Variants in ILRUN observed in about 807,000 individuals in gnomAD.
ILRUN encodes inflammation and lipid regulator with UBA-like and NBR1-like domains.
ILRUN carries 3 observed loss-of-function variants against 33.8 expected under a neutral mutation model. That is an observed-to-expected ratio of 0.09 (90% confidence interval 0.04 to 0.23). The LOEUF is 0.23. ILRUN is among the 10% of genes least tolerant of loss of function. ILRUN has a pLI of 1.00. For synonymous variants in ILRUN, 124 were observed against 138.9 expected (o/e 0.89, Z 0.75); for missense variants, 210 against 375.1 (o/e 0.56, Z 3.64).
chr6:34,633,882 AGG>A (rs1301859315), intron 3 of ILRUN, among the ~76,000 whole-genome samples: 3 of 16,632 alleles, frequency 1.8e-4, no homozygotes, highest in South Asian at 7.2e-3. Context: ...GGAGGGAGAG[AGG>A]GAGGGAGGGA....
intron 1 of ILRUN, among the ~76,000 whole-genome samples, chr6:34,656,636 CAT>C (rs1393288780): frequency 2.0e-5 from 3 of 152,318 alleles, no homozygotes; most frequent in African/African-American, 7.2e-5. Context: ...TATACATAAA[CAT>C]AGCATGAAAC....
At chr6:34,665,192 C>T (rs1176798282) in intron 1 of ILRUN, among the ~76,000 whole-genome samples, 2 of 149,844 alleles carry the variant, frequency 1.3e-5, no homozygotes, top group Non-Finnish European at 3.0e-5. Flanking sequence ...TGGTAGCTCA[C>T]CGCCTATAAT....
intron 4 of ILRUN, among the ~76,000 whole-genome samples, chr6:34,600,945 G>C (rs1054503187): frequency 6.6e-6 from 1 of 152,100 alleles, no homozygotes; most frequent in African/African-American, 2.4e-5. Flanking sequence ...TTGGTATCCT[G>C]GTCTTATCAC....
At chr6:34,623,067 C>A (rs1443784562) in intron 3 of ILRUN, among the ~76,000 whole-genome samples, 1 of 152,058 alleles carries the variant, frequency 6.6e-6, no homozygotes, top group African/African-American at 2.4e-5. Context: ...AGTAGAATGG[C>A]GGTTTCCAAT....
At chr6:34,678,945 A>AAATACAAC (rs1037999424) in intron 1 of ILRUN, among the ~76,000 whole-genome samples, 6 of 151,944 alleles carry the variant, frequency 3.9e-5, no homozygotes, top group African/African-American at 1.4e-4. Context: ...TTCATAAGAT[A>AAATACAAC]AATACAACAG....
intron 1 of ILRUN, chr6:34,685,374 G>A (rs1267538358): frequency 1.3e-5 from 2 of 151,776 alleles, no homozygotes; most frequent in African/African-American, 4.8e-5. Flanking sequence ...GTCTTGCTAT[G>A]GAGTGCAGTG....
At position 34,606,840 on chromosome 6, in the gene ILRUN, T is replaced by C; in HGVS notation, c.576A>G (p.Ser192=). The part of the protein sequence containing the change: ...GGLLGVTQQL[S]SFETEFNTQP... ...GTGTGTTGAACTCCGTTTCAAAAGA[T>C]GACAGCTGCTGCGTTACTCCTAAAA... The change falls in exon 4 of 5, where the codon TCA becomes TCG. Residue 192 remains serine (S), a synonymous_variant. Transcript: ENST00000374023. 6.2e-7 allele frequency: 1 copy of C among 1,614,142 alleles called. No individual in the cohort carries two copies. Among genetic ancestry groups the C allele is most frequent in the East Asian group, 2.2e-5 (1 of 44,884 alleles).
At chr6:34,670,917 AT>A (rs1227799582) in intron 1 of ILRUN, among the ~76,000 whole-genome samples, 1 of 152,002 alleles carries the variant, frequency 6.6e-6, no homozygotes, top group East Asian at 1.9e-4. Context: ...AGTGCTTCTA[AT>A]TGCAGATTAC....
rs1367064453 is a variant in ILRUN, at chr6:34,641,139, CA to C, written c.511+5461del. Among the ~76,000 whole-genome samples, 3 of 150,914 alleles carry C rather than the reference CA, an allele frequency of 2.0e-5. No individual in the cohort carries two copies. In the East Asian group the frequency reaches 5.8e-4, roughly 29 times the overall value. On this transcript the variant is annotated intron_variant, in intron 3 of 4. Coordinates refer to ENST00000374023, the MANE Select transcript of ILRUN (RefSeq NM_024294.4). ...CCACCCCACCAAAAACAGAAACCTC[CA>C]AAAAGCAATCTTTTGTTGTTAAAAC...
chr6:34,601,212 A>C (rs1390229659), intron 4 of ILRUN, among the ~76,000 whole-genome samples: 1 of 152,232 alleles, frequency 6.6e-6, no homozygotes, highest in Non-Finnish European at 1.5e-5. Flanking sequence ...AACAAAAATT[A>C]AATTTAAAAA....
chr6:34,613,121 G>C (rs1215711490), intron 3 of ILRUN, among the ~76,000 whole-genome samples: 1 of 151,978 alleles, frequency 6.6e-6, no homozygotes, highest in East Asian at 1.9e-4. Context: ...TGAGGCATGA[G>C]AATCACTGGA....
At chr6:34,645,370 TTTTTG>T (rs1356217966) in intron 3 of ILRUN, among the ~76,000 whole-genome samples, 3 of 152,120 alleles carry the variant, frequency 2.0e-5, no homozygotes, top group Admixed American at 6.5e-5. Context: ...AAGGTTGGTT[TTTTTG>T]TTTTGTTTTG....
intron 1 of ILRUN, among the ~76,000 whole-genome samples, chr6:34,683,157 CGTG>C (rs1562032513): frequency 6.7e-6 from 1 of 149,752 alleles, no homozygotes; most frequent in African/African-American, 2.5e-5. Flanking sequence ...TAAATACACA[CGTG>C]TGTTTATGTG....
intron 3 of ILRUN, among the ~76,000 whole-genome samples, chr6:34,637,843 TTGCTGCTGC>T (rs1203721482): frequency 7.1e-6 from 1 of 141,246 alleles, no homozygotes; most frequent in East Asian, 2.1e-4. Context: ...GCTGTTGTTG[TTGCTGCTGC>T]TGCTGCTGCT....
intron 4 of ILRUN, among the ~76,000 whole-genome samples, chr6:34,593,947 G>A (rs1008283531): frequency 2.6e-5 from 4 of 151,992 alleles, no homozygotes; most frequent in Admixed American, 2.6e-4. Flanking sequence ...AGACCATCGC[G>A]GTACCTTCTG....
At chr6:34,633,287 A>G (rs1158544283) in intron 3 of ILRUN, among the ~76,000 whole-genome samples, 1 of 152,240 alleles carries the variant, frequency 6.6e-6, no homozygotes, top group Non-Finnish European at 1.5e-5. Context: ...TTAAAAACTG[A>G]TAACTGAAAG....
intron 1 of ILRUN, among the ~76,000 whole-genome samples, chr6:34,687,363 G>T (rs1319319372): frequency 6.6e-6 from 1 of 152,010 alleles, no homozygotes; most frequent in East Asian, 1.9e-4. Flanking sequence ...TCATAATAAG[G>T]TACCAATCCA....
intron 3 of ILRUN, among the ~76,000 whole-genome samples, chr6:34,635,643 C>T (rs1254349437): frequency 7.5e-6 from 1 of 133,554 alleles, no homozygotes; most frequent in Non-Finnish European, 1.5e-5. Flanking sequence ...GAGACACAGT[C>T]TTGCTCTGTT....
chr6:34,632,682 AT>A (rs10718642), intron 3 of ILRUN, among the ~76,000 whole-genome samples: 62,540 of 143,812 alleles, frequency 0.43, 14,534 homozygotes, highest in African/African-American at 0.65. Context: ...CACCCGGCTA[AT>A]TTTTTTTTTT....
Sources: gnomAD v4.1 joint callset for allele counts (sites outside exome capture counted in the v4.1 genomes callset) on GRCh38, gnomAD v4.1.1 for gene constraint, MANE v1.5 for transcripts, NCBI Gene and HGNC (gene_info 2026-07-23, HGNC 2026-07-21) for gene names.